The following PCDH9 variants were observed in gnomAD, a reference collection of about 807,000 sequenced individuals.
The protein encoded by PCDH9 is protocadherin-9.
PCDH9 carries 24 observed loss-of-function variants against 70.6 expected under a neutral mutation model. That is an observed-to-expected ratio of 0.34 (90% CI 0.25 to 0.48). The LOEUF (loss-of-function observed/expected upper bound fraction) is 0.48, where lower values mean the gene tolerates loss of function less well. Among genes scored for constraint, PCDH9 ranks in the 20% least tolerant of loss-of-function variants. The probability of loss-of-function intolerance (pLI) is 0.99; values close to 1 mark genes in which losing one functional copy is unlikely to be tolerated. For synonymous variants in PCDH9, 562 were observed against 558.5 expected, an observed-to-expected ratio of 1.01 and a Z score of -0.09; for missense variants, 1,281 against 1,503.6, an observed-to-expected ratio of 0.85 and a Z score of 2.45.
At chr13:66,713,623 G>GTATATTATATA (rs762817724) in intron 3 of PCDH9, among the ~76,000 whole-genome samples, 1 of 93,032 alleles carries the variant, frequency 1.1e-5, no homozygotes, top group Non-Finnish European at 2.1e-5. Context: ...GTGTGTGTGT[G>GTATATTATATA]TGTATATATA....
intron 2 of PCDH9, among the ~76,000 whole-genome samples, chr13:67,191,677 A>C (rs531009562): frequency 6.6e-6 from 1 of 152,180 alleles, no homozygotes; most frequent in African/African-American, 2.4e-5. Context: ...GCCCTGGTCA[A>C]GCCATTATCA....
chr13:66,623,322 C>G (rs2077454556), intron 4 of PCDH9, among the ~76,000 whole-genome samples: 1 of 152,226 alleles, frequency 6.6e-6, no homozygotes, highest in Non-Finnish European at 1.5e-5. Flanking sequence ...GAGTCATGTA[C>G]TATGTTAAAC....
At chr13:66,319,750 A>T (rs1955720033) in intron 4 of PCDH9, among the ~76,000 whole-genome samples, 1 of 152,098 alleles carries the variant, frequency 6.6e-6, no homozygotes, top group Admixed American at 6.5e-5. Context: ...ATGAAGAAAC[A>T]AGATAACTTG....
intron 4 of PCDH9, 141 bp downstream of exon 4, chr13:66,631,069 C>T (rs2077565180): frequency 3.3e-6 from 2 of 597,080 alleles, no homozygotes; most frequent in South Asian, 2.2e-5. Flanking sequence ...ATGTATATCT[C>T]AAAGAATACA....
At chr13:67,009,713 A>C (rs1471354441) in intron 2 of PCDH9, among the ~76,000 whole-genome samples, 5 of 151,870 alleles carry the variant, frequency 3.3e-5, no homozygotes, top group Non-Finnish European at 7.4e-5. Flanking sequence ...AACGGATCTA[A>C]CTCTTTTTTT....
chr13:66,966,505 A>C (rs992468751), intron 2 of PCDH9, among the ~76,000 whole-genome samples: 7 of 152,122 alleles, frequency 4.6e-5, no homozygotes, highest in African/African-American at 4.8e-5. Context: ...TGTTCTCAGG[A>C]AAATAGAATC....
At position 66,877,852 on chromosome 13, in the gene PCDH9, C is replaced by A. The variant is rs143888782; in HGVS notation, c.3138+25652G>T. Reference sequence around the variant, plus strand: ...TTATCTGGCACTGTATTCTTTTGAACTCAGTAAAAAATAGGGAACACTTCC... The same window carrying A: ...TTATCTGGCACTGTATTCTTTTGAAATCAGTAAAAAATAGGGAACACTTCC... On this transcript the variant is annotated intron_variant, in intron 3 of 4. Coordinates refer to ENST00000377865, the MANE Select transcript of PCDH9 (RefSeq NM_203487.3). 2.6e-5 allele frequency among the ~76,000 whole-genome samples: 4 copies of A among 152,298 alleles called. No homozygotes were observed. The East Asian group carries it at 7.7e-4, about 29-fold the overall frequency.
chr13:67,219,786 C>A (rs1026413123), intron 2 of PCDH9: 1 of 151,834 alleles, frequency 6.6e-6, no homozygotes, highest in Non-Finnish European at 1.5e-5. Context: ...TTTGTACTTT[C>A]CAACTCAGTG....
intron 4 of PCDH9, among the ~76,000 whole-genome samples, chr13:66,396,161 T>C (rs1352106888): frequency 6.6e-6 from 1 of 152,166 alleles, no homozygotes; most frequent in Non-Finnish European, 1.5e-5. Flanking sequence ...ATCAGAATTA[T>C]CCTGGGAACT....
At chr13:67,194,368 CT>C (rs34743461) in intron 2 of PCDH9, among the ~76,000 whole-genome samples, 74,667 of 147,540 alleles carry the variant, frequency 0.51, 19,377 homozygotes, top group Middle Eastern at 0.65. Context: ...TAACTTTTAT[CT>C]TTTTTTTTTT....
chr13:66,876,236 G>C (rs1226419697), intron 3 of PCDH9, among the ~76,000 whole-genome samples: 1 of 152,004 alleles, frequency 6.6e-6, no homozygotes, highest in Admixed American at 6.6e-5. Flanking sequence ...TATTCATCAA[G>C]AATCAGAGAG....
chr13:66,793,564 T>C (rs1566198058), intron 3 of PCDH9, among the ~76,000 whole-genome samples: 1 of 152,152 alleles, frequency 6.6e-6, no homozygotes, highest in Non-Finnish European at 1.5e-5. Context: ...TTATGACGTA[T>C]TTATTTATAA....
chr13:66,486,113 A>T (rs1958935503), intron 4 of PCDH9, among the ~76,000 whole-genome samples: 2 of 152,130 alleles, frequency 1.3e-5, no homozygotes, highest in Admixed American at 6.5e-5. Flanking sequence ...TTTTTCAATA[A>T]TATCAAAGTT....
At chr13:66,389,089 A>C (rs894125223) in intron 4 of PCDH9, among the ~76,000 whole-genome samples, 2 of 152,198 alleles carry the variant, frequency 1.3e-5, no homozygotes, top group African/African-American at 4.8e-5. Flanking sequence ...AAATCATTGT[A>C]GTAACCAAGA....
chr13:66,483,153 G>T (rs34099737), intron 4 of PCDH9, among the ~76,000 whole-genome samples: 3 of 152,028 alleles, frequency 2.0e-5, no homozygotes, highest in Admixed American at 2.0e-4. Context: ...TCGGAACTGC[G>T]CAGAAGAGAT....
At chr13:66,632,954 G>GAAT (rs2077590964) in intron 3 of PCDH9, among the ~76,000 whole-genome samples, 1 of 152,008 alleles carries the variant, frequency 6.6e-6, no homozygotes, top group Non-Finnish European at 1.5e-5. Context: ...TTTATAGATT[G>GAAT]TATCCATTTC....
At chr13:66,638,764 C>T (rs766717094) in intron 3 of PCDH9, among the ~76,000 whole-genome samples, 4 of 152,164 alleles carry the variant, frequency 2.6e-5, no homozygotes, top group East Asian at 1.9e-4. Context: ...AGAGTAGAAA[C>T]GAAATATTAT....
At chr13:66,341,964 A>T (rs1417670909) in intron 4 of PCDH9, among the ~76,000 whole-genome samples, 1 of 152,186 alleles carries the variant, frequency 6.6e-6, no homozygotes, top group African/African-American at 2.4e-5. Context: ...CTTAGATTGA[A>T]GTCTCAGAAA....
intron 3 of PCDH9, among the ~76,000 whole-genome samples, chr13:66,833,752 A>G (rs1233024917): frequency 1.3e-5 from 2 of 152,226 alleles, no homozygotes; most frequent in African/African-American, 2.4e-5. Flanking sequence ...TTTGCAGAAT[A>G]GGCATTTATG....
Sources: allele counts gnomAD v4.1 joint callset (sites outside exome capture counted in the v4.1 genomes callset), GRCh38; gene constraint gnomAD v4.1.1; transcripts MANE v1.5; gene names NCBI Gene and HGNC (gene_info 2026-07-23, HGNC 2026-07-21).